Variants in EXTL3 observed in about 807,000 individuals in gnomAD.
The protein encoded by EXTL3 is exostosin like glycosyltransferase 3, also known as exostosin-like 3.
A neutral mutation model predicts 69.3 loss-of-function variants in EXTL3; 27 were observed. The observed-to-expected ratio is 0.39, with a 90% CI of 0.29 to 0.54. The LOEUF is 0.54. Ranked by LOEUF, EXTL3 falls within the 20% of genes least tolerant of loss-of-function variation. The probability of loss-of-function intolerance (pLI) is 0.69; values close to 1 mark genes in which losing one functional copy is unlikely to be tolerated. For missense variants in EXTL3, 1,003 were observed against 1,231.8 expected, an observed-to-expected ratio of 0.81 and a Z score of 2.78; for synonymous variants, 511 against 499.4, an observed-to-expected ratio of 1.02 and a Z score of -0.31.
chr8:28,727,077 G>A (rs1801430369), intron 3 of EXTL3, among the ~76,000 whole-genome samples: 1 of 151,624 alleles, frequency 6.6e-6, no homozygotes, highest in South Asian at 2.1e-4. Flanking sequence ...GTAGAGATGG[G>A]GTTTTGCCAT....
intron 5 of EXTL3, chr8:28,742,453 T>G: frequency 6.3e-6 from 1 of 157,970 alleles, no homozygotes; most frequent in South Asian, 1.9e-4. Context: ...AGCGAAGGGG[T>G]GATATGTTCA....
intron 1 of EXTL3, among the ~76,000 whole-genome samples, chr8:28,712,788 A>T (rs1036294347): frequency 6.6e-6 from 1 of 152,206 alleles, no homozygotes; most frequent in Admixed American, 6.5e-5. Flanking sequence ...TTTCTGTGAG[A>T]ACATTTGTTT....
At chr8:28,701,317 C>T (rs1013801718), upstream of EXTL3, 1 of 151,848 alleles carries the variant, frequency 6.6e-6, no homozygotes, top group Non-Finnish European at 1.5e-5. Flanking sequence ...CGCGCCCCCC[C>T]GCGCCTCCCA....
rs576070356 is a variant in EXTL3, at chr8:28,704,071, C to T, written c.-570+2412C>T. 1.4e-4 allele frequency among the ~76,000 whole-genome samples: 22 copies of T among 152,278 alleles called. No individual in the cohort carries two copies. The East Asian group carries it at 4.2e-3, about 29-fold the overall frequency. ...CAGTTGCACAGTCCTTTTAAATTTT[C>T]AGTCATTCAGACCTCTTGGGTGATG... On this transcript the variant is annotated intron_variant, in intron 1 of 6. Transcript: ENST00000220562.
At chr8:28,695,596 T>G (rs1800673554) in intron 1 of EXTL3, among the ~76,000 whole-genome samples, 1 of 152,238 alleles carries the variant, frequency 6.6e-6, no homozygotes, top group Non-Finnish European at 1.5e-5. Flanking sequence ...AGCTTATCAC[T>G]GTGCACATGC....
intron 1 of EXTL3, among the ~76,000 whole-genome samples, chr8:28,672,423 G>T (rs896185858): frequency 4.2e-5 from 6 of 141,964 alleles, no homozygotes; most frequent in Non-Finnish European, 9.3e-5. Flanking sequence ...TTCTCGGGGT[G>T]GGGGGGCGGG....
chr8:28,672,726 A>G (rs1388409330), intron 1 of EXTL3, among the ~76,000 whole-genome samples: 2 of 152,146 alleles, frequency 1.3e-5, no homozygotes, highest in African/African-American at 4.8e-5. Flanking sequence ...CGGACTGAGT[A>G]TATTTGCTGT....
intron 1 of EXTL3, among the ~76,000 whole-genome samples, chr8:28,713,093 A>G (rs889175071): frequency 6.6e-6 from 1 of 152,206 alleles, no homozygotes; most frequent in East Asian, 1.9e-4. Flanking sequence ...AGCAAATTCC[A>G]GGTATATCAT....
chr8:28,726,588 A>G (rs1387316939), intron 3 of EXTL3, among the ~76,000 whole-genome samples: 3 of 152,114 alleles, frequency 2.0e-5, no homozygotes, highest in African/African-American at 7.2e-5. Context: ...TTTGGGTCAG[A>G]TAATTCTCTG....
intron 1 of EXTL3, among the ~76,000 whole-genome samples, chr8:28,630,926 G>A (rs763033304): frequency 6.6e-6 from 1 of 152,252 alleles, no homozygotes; most frequent in Admixed American, 6.5e-5. Context: ...TATAGGAGAC[G>A]CACAGTAGAG....
At chr8:28,639,067 A>T (rs1432038664) in intron 1 of EXTL3, among the ~76,000 whole-genome samples, 1 of 151,222 alleles carries the variant, frequency 6.6e-6, no homozygotes, top group Non-Finnish European at 1.5e-5. Flanking sequence ...CCTCCCAAGT[A>T]GCAGGGACTA....
At chr8:28,626,569 G>A (rs987199307) in intron 1 of EXTL3, among the ~76,000 whole-genome samples, 1 of 152,140 alleles carries the variant, frequency 6.6e-6, no homozygotes, top group East Asian at 1.9e-4. Flanking sequence ...TTTGCTTTTT[G>A]TAGGGTAGAT....
At chr8:28,636,327 A>G (rs1250666110) in intron 1 of EXTL3, among the ~76,000 whole-genome samples, 2 of 120,660 alleles carry the variant, frequency 1.7e-5, no homozygotes, top group Admixed American at 1.6e-4. Context: ...CCAAGACTCC[A>G]TCTCAAAAAA....
intron 5 of EXTL3, 37 bp from the exon 6 acceptor site, chr8:28,743,049 G>A (rs1801812659): frequency 6.2e-7 from 1 of 1,613,362 alleles, no homozygotes; most frequent in Non-Finnish European, 8.5e-7. Context: ...CCTGTGTCTT[G>A]TAACAGAGCA....
rs183243120 is a variant in EXTL3, at chr8:28,695,987, G to C, written c.-52-17470G>C. Among the ~76,000 whole-genome samples, 13 of 152,074 alleles carry C rather than the reference G, an allele frequency of 8.5e-5. No individual in the cohort carries two copies. The East Asian group carries it at 1.4e-3, about 16-fold the overall frequency. ...GGCTGGAGTGCAGTGGTGCGATCAC[G>C]GCTCACTGCAGCCTCAACCTCCTGG... On this transcript the variant is annotated intron_variant, in intron 1 of 6. Transcript: ENST00000523149.
chr8:28,748,660 AT>A (rs1358272566), intron 6 of EXTL3, among the ~76,000 whole-genome samples: 1 of 151,982 alleles, frequency 6.6e-6, no homozygotes, highest in Non-Finnish European at 1.5e-5. Context: ...AGGGTGGAGA[AT>A]TAGAATGGAG....
rs748643272 is a variant in EXTL3, at chr8:28,716,456, A to G, written c.397A>G (p.Asn133Asp). 4.3e-6 allele frequency: 7 copies of G among 1,613,922 alleles called. No individual in the cohort carries two copies. The highest frequency in any genetic ancestry group is 1.3e-5 in the African/African-American group (1 of 75,054). The change falls in exon 3 of 7, where the codon AAT becomes GAT. Residue 133 changes from asparagine to aspartate, a missense_variant. This residue lies in a region of EXTL3 where 742 missense variants were observed against 815.4 expected (regional missense o/e 0.91). Coordinates refer to ENST00000220562, the MANE Select transcript of EXTL3 (RefSeq NM_001440.4). The surrounding 1 kb of genome is among the most constrained non-coding windows in gnomAD (Gnocchi z 7.1). The part of the protein sequence containing the change: ...NAKQDLLQLK[N>D]VISQTEHSYK... ...CAAGCAGGACCTGCTCCAGCTCAAG[A>G]ATGTCATCAGCCAGACCGAGCATTC...
At chr8:28,611,324 A>G (rs1563423984) in intron 2 of EXTL3, among the ~76,000 whole-genome samples, 1 of 151,990 alleles carries the variant, frequency 6.6e-6, no homozygotes, top group Non-Finnish European at 1.5e-5. Context: ...GGGGTTGTGC[A>G]CGCCTGTAGT....
At position 28,634,566 on chromosome 8, in the gene EXTL3, T is replaced by C. The variant is rs1267451455; in HGVS notation, c.-53+11756T>C. Among the ~76,000 whole-genome samples the C allele has an allele frequency of 3.9e-5, 5 of 128,626 alleles. No individual in the cohort carries two copies. The East Asian group carries it at 1.0e-3, about 27-fold the overall frequency. 84.4% of individuals were successfully genotyped at this position (128,626 alleles called of 152,430 possible). A position where few individuals can be genotyped will look rare whatever the true frequency, so the allele number is the denominator to read the frequency against. ...GGCCCTTCCTGGCTCTTTCTGCCCATCCTGGAAGAGGGAAGAGATGACCAC... is the reference window on the plus strand; with the variant it reads ...GGCCCTTCCTGGCTCTTTCTGCCCACCCTGGAAGAGGGAAGAGATGACCAC... On this transcript the variant is annotated intron_variant, in intron 1 of 6. Transcript: ENST00000523149.
Sources: gnomAD v4.1 joint callset for allele counts (sites outside exome capture counted in the v4.1 genomes callset) on GRCh38, gnomAD v4.1.1 for gene constraint, gnomAD v4.1.1 regional missense constraint, Gnocchi (gnomAD v3.1) non-coding constraint, MANE v1.5 for transcripts, NCBI Gene and HGNC (gene_info 2026-07-23, HGNC 2026-07-21) for gene names.